The following PEAK1 variants were observed in gnomAD, a reference collection of about 807,000 sequenced individuals.
PEAK1 encodes the protein pseudopodium enriched atypical kinase 1, also known as inactive tyrosine-protein kinase PEAK1.
A neutral mutation model predicts 124.7 loss-of-function variants in PEAK1; 54 were observed. That is an observed-to-expected ratio of 0.43 (90% CI 0.35 to 0.54). PEAK1 has a LOEUF of 0.54. PEAK1 is among the 20% of genes least tolerant of loss of function. The pLI is 0.01. For synonymous variants in PEAK1, 719 were observed against 760.0 expected, an observed-to-expected ratio of 0.95 and a Z score of 0.89; for missense variants, 2,046 against 2,134.5, an observed-to-expected ratio of 0.96 and a Z score of 0.82.
At chr15:77,382,676 T>G (rs1045899651) in intron 1 of PEAK1, among the ~76,000 whole-genome samples, 1 of 152,198 alleles carries the variant, frequency 6.6e-6, no homozygotes, top group East Asian at 1.9e-4. Context: ...GTGTTCCTCC[T>G]AGAGCAGAGT....
At chr15:77,312,837 G>C (rs1290421677) in intron 2 of PEAK1, among the ~76,000 whole-genome samples, 1 of 152,226 alleles carries the variant, frequency 6.6e-6, no homozygotes, top group African/African-American at 2.4e-5. Context: ...GGCCAGCACT[G>C]TGTCACAGGG....
rs2059724565 is a variant in PEAK1, at chr15:77,227,362, T to G, written c.-115+25005A>C. Among the ~76,000 whole-genome samples, 3 of 152,222 alleles carry G rather than the reference T, an allele frequency of 2.0e-5. No homozygotes were observed. The South Asian group carries it at 6.2e-4, about 32-fold the overall frequency. The stretch of plus-strand genomic sequence containing the variant: ...AAGTAACACAGAGGCACATTGACTA[T>G]AGTAGGAAGATCAAACAGGGGCTGA... On this transcript the variant is annotated intron_variant, in intron 6 of 9. Coordinates refer to ENST00000682557, the MANE Select transcript of PEAK1 (RefSeq NM_001385026.1).
Position 77,114,329 on chromosome 15 carries a change from G to A in PEAK1, c.5068C>T (p.Leu1690=), listed in dbSNP as rs371351051. The stretch of plus-strand genomic sequence containing the variant: ...TTGATGTCTAGCCAGTTTTGGAGCA[G>A]GGTGTTCCTCTGTACTAGGCTAGGG... ...ACPSLVQRNT[L]LQNWLDIKRT... The change falls in exon 10 of 10, where the codon CTG becomes TTG. Residue 1690 remains leucine, a synonymous_variant. Coordinates refer to ENST00000682557, the MANE Select transcript of PEAK1 (RefSeq NM_001385026.1). 6.2e-7 allele frequency: 1 copy of A among 1,614,218 alleles called. No homozygotes were observed. Among genetic ancestry groups the A allele is most frequent in the Non-Finnish European group, 8.5e-7 (1 of 1,180,036 alleles).
chr15:77,312,111 A>C (rs532778816), intron 2 of PEAK1, among the ~76,000 whole-genome samples: 1 of 152,264 alleles, frequency 6.6e-6, no homozygotes, highest in Non-Finnish European at 1.5e-5. Flanking sequence ...TAGGAAAAAC[A>C]GGGCGTGGGG....
intron 1 of PEAK1, among the ~76,000 whole-genome samples, chr15:77,399,243 A>C (rs1157260909): frequency 1.3e-5 from 2 of 152,208 alleles, no homozygotes; most frequent in African/African-American, 2.4e-5. Context: ...AAATGTCCAT[A>C]CAACCCAAAG....
At chr15:77,174,626 T>C (rs539614359) in intron 7 of PEAK1, among the ~76,000 whole-genome samples, 63 of 152,304 alleles carry the variant, frequency 4.1e-4, no homozygotes, top group Admixed American at 8.5e-4. Context: ...GTCTGGGACA[T>C]TATGAAATGT....
intron 2 of PEAK1, among the ~76,000 whole-genome samples, chr15:77,306,504 A>G (rs985594361): frequency 6.6e-6 from 1 of 152,212 alleles, no homozygotes; most frequent in Admixed American, 6.5e-5. Flanking sequence ...TTCTAGTTCC[A>G]GAGAAAGAAT....
intron 6 of PEAK1, among the ~76,000 whole-genome samples, chr15:77,219,706 T>C (rs529902423): frequency 9.9e-5 from 15 of 152,194 alleles, no homozygotes; most frequent in African/African-American, 3.4e-4. Context: ...GAATAAAATA[T>C]CTTTTGATTG....
intron 6 of PEAK1, among the ~76,000 whole-genome samples, chr15:77,227,793 T>C (rs973485152): frequency 6.6e-6 from 1 of 151,546 alleles, no homozygotes; most frequent in Non-Finnish European, 1.5e-5. Context: ...ATCCCAGGAG[T>C]TCAAGACCTT....
chr15:77,252,328 C>T (rs2060919341), intron 6 of PEAK1, 39 bp downstream of exon 6: 1 of 960,980 alleles, frequency 1.0e-6, no homozygotes, highest in East Asian at 1.2e-4. Context: ...ATCTAAAATT[C>T]TTGGTGGAAA....
chr15:77,256,415 A>C (rs1291114877), intron 5 of PEAK1, among the ~76,000 whole-genome samples: 1 of 152,096 alleles, frequency 6.6e-6, no homozygotes, highest in African/African-American at 2.4e-5. Flanking sequence ...CAGGTAAAAA[A>C]AAAAAAATCA....
At chr15:77,105,252 A>G (rs551228965), downstream of PEAK1, 11 of 152,478 alleles carry the variant, frequency 7.2e-5, no homozygotes, top group African/African-American at 2.6e-4. Flanking sequence ...AAGCCCTCAC[A>G]GCATTATCAC....
At chr15:77,119,078 C>T (rs973985484) in intron 9 of PEAK1, among the ~76,000 whole-genome samples, 1 of 80,168 alleles carries the variant, frequency 1.2e-5, no homozygotes, top group East Asian at 2.5e-4. Context: ...TTGTAAAATA[C>T]ACCATAGGGC....
chr15:77,103,688 T>C (rs1596189669), downstream of PEAK1: 2 of 152,264 alleles, frequency 1.3e-5, no homozygotes, highest in South Asian at 4.1e-4. Context: ...AAGAAGGTTG[T>C]CAGTTGCTCT....
At chr15:77,312,659 C>T (rs535411698) in intron 2 of PEAK1, among the ~76,000 whole-genome samples, 5 of 152,380 alleles carry the variant, frequency 3.3e-5, no homozygotes, top group Admixed American at 6.5e-5. Context: ...TATCCATCTG[C>T]TGTGCATTCC....
At chr15:77,262,969 A>G (rs1267924940) in intron 5 of PEAK1, among the ~76,000 whole-genome samples, 3 of 152,224 alleles carry the variant, frequency 2.0e-5, no homozygotes, top group Non-Finnish European at 4.4e-5. Context: ...CCACTCAGCT[A>G]CATGGAAACT....
intron 2 of PEAK1, among the ~76,000 whole-genome samples, chr15:77,311,039 A>G (rs1455621254): frequency 6.6e-6 from 1 of 152,238 alleles, no homozygotes; most frequent in Non-Finnish European, 1.5e-5. Flanking sequence ...TCAGATCTGT[A>G]GTTTGAAAAA....
intron 1 of PEAK1, among the ~76,000 whole-genome samples, chr15:77,399,196 A>G (rs2071148876): frequency 6.6e-6 from 1 of 152,190 alleles, no homozygotes; most frequent in Non-Finnish European, 1.5e-5. Context: ...AAAGCAATCT[A>G]TAGATTCTTC....
chr15:77,262,274 G>A (rs1292915433), intron 5 of PEAK1, among the ~76,000 whole-genome samples: 3 of 152,098 alleles, frequency 2.0e-5, no homozygotes, highest in Non-Finnish European at 4.4e-5. Flanking sequence ...AACTTTAAAT[G>A]TAAATGGGCT....
Sources: gnomAD v4.1 joint callset for allele counts (sites outside exome capture counted in the v4.1 genomes callset) on GRCh38, gnomAD v4.1.1 for gene constraint, MANE v1.5 for transcripts, NCBI Gene and HGNC (gene_info 2026-07-23, HGNC 2026-07-21) for gene names.